The following NAT1 variants were observed in gnomAD, a reference collection of about 807,000 sequenced individuals.
NAT1 encodes N-acetyltransferase 1, also known as arylamine N-acetyltransferase 1.
For synonymous variants in NAT1, 144 were observed against 122.6 expected (o/e 1.17, Z -1.16); for missense variants, 400 against 339.2 (o/e 1.18, Z -1.41).
chr8:18,204,948 A>C (rs1803644026), intron 2 of NAT1, among the ~76,000 whole-genome samples: 2 of 152,208 alleles, frequency 1.3e-5, no homozygotes, highest in Non-Finnish European at 2.9e-5. Flanking sequence ...CTAGTGGGCC[A>C]ATGCTCAGCT....
At chr8:18,173,132 G>A (rs1019145536) in intron 2 of NAT1, among the ~76,000 whole-genome samples, 1 of 142,304 alleles carries the variant, frequency 7.0e-6, no homozygotes, top group Non-Finnish European at 1.5e-5. Context: ...TAGAGCACAC[G>A]TGCACACAGA....
At chr8:18,218,986 C>T (rs1301697506) in intron 1 of NAT1, among the ~76,000 whole-genome samples, 1 of 151,930 alleles carries the variant, frequency 6.6e-6, no homozygotes, top group Non-Finnish European at 1.5e-5. Flanking sequence ...CCTCAACATG[C>T]CGAATTATAG....
intron 2 of NAT1, among the ~76,000 whole-genome samples, chr8:18,204,423 T>C (rs1803617266): frequency 6.6e-6 from 1 of 152,190 alleles, no homozygotes; most frequent in Non-Finnish European, 1.5e-5. Flanking sequence ...ACTTAAAATC[T>C]TAAAATCATG....
At chr8:18,179,871 C>T (rs1802441856) in intron 2 of NAT1, among the ~76,000 whole-genome samples, 1 of 152,120 alleles carries the variant, frequency 6.6e-6, no homozygotes, top group African/African-American at 2.4e-5. Flanking sequence ...TTCTGCCTGC[C>T]TCTAATGATT....
rs1215074953 is a variant in NAT1, at chr8:18,200,244, G to A, written n.93-9537G>A. 4.6e-5 allele frequency among the ~76,000 whole-genome samples: 7 copies of A among 152,086 alleles called. No individual in the cohort carries two copies. The East Asian group carries it at 5.8e-4, about 13-fold the overall frequency. On this transcript the variant is annotated intron_variant and non_coding_transcript_variant, in intron 2 of 4. Coordinates refer to the NAT1 transcript ENST00000517441. ...CTACCATAAAGACACATGCATGCAC[G>A]TGTTCATTGCAGCACTATTCGCAAT...
At chr8:18,221,609 T>C (rs1004771822) in intron 2 of NAT1, among the ~76,000 whole-genome samples, 5 of 152,188 alleles carry the variant, frequency 3.3e-5, no homozygotes, top group African/African-American at 1.2e-4. Flanking sequence ...AGCGGGAAAC[T>C]TTGTATAAGG....
chr8:18,223,303 T>C lies in NAT1; in HGVS notation c.*383T>C, dbSNP rs1805542726. ...TCTATAAAGTATATTAAAACATTGT[T>C]GGCTAATATAATTTGAAAAAAAGTG... On this transcript the variant is annotated 3_prime_UTR_variant, in exon 3 of 3. Coordinates refer to ENST00000307719, the MANE Select transcript of NAT1 (RefSeq NM_000662.8). 1 of 167,076 alleles carries C rather than the reference T, an allele frequency of 6.0e-6. No individual in the cohort carries two copies. The highest frequency in any genetic ancestry group is 6.5e-5 in the Admixed American group (1 of 15,288). The allele number at this position is 167,076 out of a possible 1,614,324, so 10.3% of individuals were successfully genotyped here.
Position 18,222,209 on chromosome 8 carries a change from C to CTA in NAT1, c.162_163insTA (p.Ile55Ter). ...ATGCCATGGACTTAGGCTTAGAGGC[C>CTA]ATTTTTGATCAAGTTGTGAGAAGAA... On this transcript the variant is annotated frameshift_variant, in exon 3 of 3. Transcript: ENST00000307719. LOFTEE classifies it low-confidence loss of function (END_TRUNC). The CTA allele has an allele frequency of 6.2e-7, 1 of 1,614,080 alleles. No individual in the cohort carries two copies. Among genetic ancestry groups the CTA allele is most frequent in the Non-Finnish European group, 8.5e-7 (1 of 1,180,004 alleles).
At chr8:18,221,232 G>C (rs902764033) in intron 2 of NAT1, among the ~76,000 whole-genome samples, 1 of 151,244 alleles carries the variant, frequency 6.6e-6, no homozygotes, top group African/African-American at 2.4e-5. Flanking sequence ...TTCCTACTTG[G>C]AACAATCCTC....
intron 2 of NAT1, among the ~76,000 whole-genome samples, chr8:18,187,050 G>A (rs991174898): frequency 2.6e-5 from 4 of 152,030 alleles, no homozygotes; most frequent in Non-Finnish European, 2.9e-5. Flanking sequence ...TGTATTCCCC[G>A]CCATAACATC....
At chr8:18,203,469 G>A (rs1018725467) in intron 2 of NAT1, among the ~76,000 whole-genome samples, 6 of 152,196 alleles carry the variant, frequency 3.9e-5, no homozygotes, top group African/African-American at 1.4e-4. Context: ...GGTCACAAAT[G>A]TTGCTTCTGT....
intron 2 of NAT1, among the ~76,000 whole-genome samples, chr8:18,186,881 T>C (rs1378207192): frequency 6.6e-6 from 1 of 151,874 alleles, no homozygotes; most frequent in Non-Finnish European, 1.5e-5. Context: ...TGAGAGAAAA[T>C]ATTTGCAAGG....
chr8:18,195,619 T>C (rs572840272), intron 2 of NAT1, among the ~76,000 whole-genome samples: 1 of 152,294 alleles, frequency 6.6e-6, no homozygotes, highest in South Asian at 2.1e-4. Flanking sequence ...CAAAATGCCA[T>C]TCCTGTATAT....
chr8:18,190,312 G>C (rs145810612), intron 2 of NAT1, among the ~76,000 whole-genome samples: 14 of 152,304 alleles, frequency 9.2e-5, no homozygotes, highest in African/African-American at 1.4e-4. Flanking sequence ...TCCTTGGGCT[G>C]TATGTCTCAT....
intron 2 of NAT1, among the ~76,000 whole-genome samples, chr8:18,188,588 T>C (rs930912937): frequency 1.3e-5 from 2 of 152,128 alleles, no homozygotes; most frequent in Non-Finnish European, 2.9e-5. Context: ...TTTATTTTTG[T>C]GTATGTTTGA....
intron 2 of NAT1, among the ~76,000 whole-genome samples, chr8:18,185,555 G>C (rs1378002767): frequency 6.6e-6 from 1 of 151,730 alleles, no homozygotes; most frequent in Non-Finnish European, 1.5e-5. Context: ...TCTGTCTTTT[G>C]GTCAGTCTCA....
intron 2 of NAT1, among the ~76,000 whole-genome samples, chr8:18,181,448 A>C (rs1257171162): frequency 6.6e-6 from 1 of 152,152 alleles, no homozygotes; most frequent in Non-Finnish European, 1.5e-5. Flanking sequence ...TGAATTTATC[A>C]ATTTGAACAG....
chr8:18,200,681 T>C (rs1803422190), intron 2 of NAT1, among the ~76,000 whole-genome samples: 1 of 151,882 alleles, frequency 6.6e-6, no homozygotes, highest in Non-Finnish European at 1.5e-5. Flanking sequence ...ACCCAAAACA[T>C]AAAAGTTAAA....
rs145058323 is a variant in NAT1, at chr8:18,183,366, C to T, written n.92+12627C>T. ...AAACCACAGCATTCTGGCTGTGGTCCCCCAAAACTCACGTCCTCGCATATA... is the reference window on the plus strand; with the variant it reads ...AAACCACAGCATTCTGGCTGTGGTCTCCCAAAACTCACGTCCTCGCATATA... On this transcript the variant is annotated intron_variant and non_coding_transcript_variant, in intron 2 of 4. Coordinates refer to the NAT1 transcript ENST00000517441. Among the ~76,000 whole-genome samples the T allele has an allele frequency of 1.6e-3, 246 of 152,228 alleles. 5 individuals are homozygous for T. The East Asian group carries it at 0.025, about 15-fold the overall frequency.
Sources: allele counts gnomAD v4.1 joint callset (sites outside exome capture counted in the v4.1 genomes callset), GRCh38; gene constraint gnomAD v4.1.1; transcripts MANE v1.5; gene names NCBI Gene and HGNC (gene_info 2026-07-23, HGNC 2026-07-21).